MICU1: variants seen among roughly 807,000 people sequenced by gnomAD.
MICU1 encodes mitochondrial calcium uptake 1, also known as calcium uptake protein 1, mitochondrial.
A neutral mutation model predicts 56.8 loss-of-function variants in MICU1; 45 were observed. That is an observed-to-expected ratio of 0.79 (90% CI 0.62 to 1.02). The LOEUF (loss-of-function observed/expected upper bound fraction) is 1.02, where lower values mean the gene tolerates loss of function less well. MICU1 is among the 50% of genes least tolerant of loss of function. MICU1 has a pLI of 0.00. For synonymous variants in MICU1, 186 were observed against 195.1 expected, an observed-to-expected ratio of 0.95 and a Z score of 0.39; for missense variants, 504 against 587.1, an observed-to-expected ratio of 0.86 and a Z score of 1.46.
chr10:72,485,499 C>G (rs1866440056), intron 6 of MICU1, among the ~76,000 whole-genome samples: 1 of 151,190 alleles, frequency 6.6e-6, no homozygotes, highest in African/African-American at 2.4e-5. Context: ...ATATATAACC[C>G]TTAATCCTCC....
intron 8 of MICU1, among the ~76,000 whole-genome samples, chr10:72,429,061 G>A (rs533797716): frequency 2.6e-5 from 4 of 152,260 alleles, no homozygotes; most frequent in African/African-American, 9.6e-5. Flanking sequence ...TCAAAGTGTT[G>A]TTGTAAAGAT....
intron 8 of MICU1, among the ~76,000 whole-genome samples, chr10:72,473,979 G>A (rs772703032): frequency 2.0e-5 from 3 of 151,918 alleles, no homozygotes; most frequent in Non-Finnish European, 4.4e-5. Context: ...AAGAGAGGCC[G>A]GGTGCGGTGG....
intron 1 of MICU1, among the ~76,000 whole-genome samples, chr10:72,590,095 C>T: frequency 6.6e-6 from 1 of 151,964 alleles, no homozygotes; most frequent in East Asian, 1.9e-4. Context: ...GCTCTCCAAT[C>T]AAAAGACATA....
chr10:72,368,284 G>C lies in MICU1; in HGVS notation c.1342C>G (p.Pro448Ala). ...AGGCGAGTGAAACCCATGTCTTTGG[G>C]CTTTTCCAGGCCTCTCATCAGCCGT... Reference protein sequence around the residue: ...KQRLMRGLEKPKDMGFTRLMQ... With the variant: ...KQRLMRGLEKAKDMGFTRLMQ... Residue 448 changes from proline to alanine, a missense_variant, in exon 12 of 12, where the codon CCC becomes GCC. Physicochemically the swap from Pro to Ala is conservative, Grantham distance 27. Coordinates refer to ENST00000361114, the MANE Select transcript of MICU1 (RefSeq NM_001195518.2). 1.2e-6 allele frequency: 2 copies of C among 1,613,980 alleles called. No individual in the cohort carries two copies. The highest frequency in any genetic ancestry group is 2.7e-5 in the African/African-American group (2 of 75,022).
intron 8 of MICU1, among the ~76,000 whole-genome samples, chr10:72,465,308 T>TG (rs773323709): frequency 8.4e-6 from 1 of 119,670 alleles, no homozygotes; most frequent in Non-Finnish European, 2.0e-5. Context: ...CATAGTTTTT[T>TG]GTTTTTTTTT....
At chr10:72,568,214 TA>T (rs369810841) in intron 1 of MICU1, among the ~76,000 whole-genome samples, 4 of 151,726 alleles carry the variant, frequency 2.6e-5, no homozygotes, top group African/African-American at 4.8e-5. Flanking sequence ...AAACTTCACT[TA>T]AAAAAAAATT....
intron 5 of MICU1, among the ~76,000 whole-genome samples, chr10:72,510,293 T>C (rs549034574): frequency 6.6e-6 from 1 of 152,164 alleles, no homozygotes; most frequent in East Asian, 1.9e-4. Flanking sequence ...CACAGAAAAG[T>C]TGAAAGATTA....
chr10:72,548,240 A>G (rs1839944537), intron 4 of MICU1, among the ~76,000 whole-genome samples: 1 of 152,212 alleles, frequency 6.6e-6, no homozygotes, highest in Non-Finnish European at 1.5e-5. Flanking sequence ...AATGTGAGAC[A>G]AGGCATAAAA....
intron 1 of MICU1, among the ~76,000 whole-genome samples, chr10:72,624,234 G>C (rs934715125): frequency 6.6e-6 from 1 of 152,192 alleles, no homozygotes; most frequent in East Asian, 1.9e-4. Flanking sequence ...TCGCTCTGTC[G>C]CCCAAGCTGG....
chr10:72,435,604 A>G (rs1864686094), intron 8 of MICU1, among the ~76,000 whole-genome samples: 1 of 152,104 alleles, frequency 6.6e-6, no homozygotes, highest in African/African-American at 2.4e-5. Context: ...TCACCTGGGA[A>G]GTGCAAGGGG....
At position 72,562,834 on chromosome 10, in the gene MICU1, G is replaced by A. The variant is rs541698562; in HGVS notation, c.330+61C>T. On this transcript the variant is annotated intron_variant, in intron 3 of 11. Coordinates refer to ENST00000361114, the MANE Select transcript of MICU1 (RefSeq NM_001195518.2). ...TCTGAAACATATGATTAAAAAGATT[G>A]AACTGCATTATTCTACTTTAAGATA... The A allele has an allele frequency of 1.1e-3, 1,435 of 1,301,204 alleles. 3 individuals are homozygous for A. The highest frequency in any genetic ancestry group is 1.4e-3 in the Non-Finnish European group (1,391 of 982,414). 80.6% of individuals were successfully genotyped at this position (1,301,204 alleles called of 1,614,324 possible).
At chr10:72,522,031 A>G (rs1867838403) in intron 5 of MICU1, among the ~76,000 whole-genome samples, 1 of 152,134 alleles carries the variant, frequency 6.6e-6, no homozygotes, top group Admixed American at 6.5e-5. Flanking sequence ...ATTTTAAAAA[A>G]TACATCATGC....
At chr10:72,584,728 G>A (rs989076902) in intron 1 of MICU1, among the ~76,000 whole-genome samples, 2 of 152,016 alleles carry the variant, frequency 1.3e-5, no homozygotes, top group Non-Finnish European at 2.9e-5. Context: ...TTTTTGAAGC[G>A]CTGGGGTTTC....
At chr10:72,565,770 T>C (rs867867474) in intron 2 of MICU1, among the ~76,000 whole-genome samples, 10 of 152,020 alleles carry the variant, frequency 6.6e-5, no homozygotes, top group Non-Finnish European at 1.5e-4. Context: ...GCTGAGATCA[T>C]GCCACTACAC....
intron 1 of MICU1, among the ~76,000 whole-genome samples, chr10:72,605,718 T>C (rs991869670): frequency 6.6e-6 from 1 of 152,248 alleles, no homozygotes; most frequent in Non-Finnish European, 1.5e-5. Context: ...GCATAGGTTA[T>C]ACGCAAATAG....
chr10:72,609,729 G>A (rs1375637379), intron 1 of MICU1, among the ~76,000 whole-genome samples: 14 of 139,990 alleles, frequency 1.0e-4, no homozygotes, highest in African/African-American at 8.1e-5. Flanking sequence ...GCCAGACCCC[G>A]TCTCAAAAAA....
intron 2 of MICU1, among the ~76,000 whole-genome samples, chr10:72,563,880 A>C (rs1413690639): frequency 6.6e-6 from 1 of 152,148 alleles, no homozygotes; most frequent in African/African-American, 2.4e-5. Flanking sequence ...TGTAACTGAA[A>C]GGGTGGAATA....
intron 1 of MICU1, among the ~76,000 whole-genome samples, chr10:72,591,708 G>C (rs1448335583): frequency 6.6e-6 from 1 of 152,078 alleles, no homozygotes; most frequent in African/African-American, 2.4e-5. Context: ...CTAATTAGTA[G>C]ATTAAATCAG....
intron 8 of MICU1, among the ~76,000 whole-genome samples, chr10:72,439,211 T>C (rs1229436329): frequency 3.3e-5 from 5 of 152,182 alleles, no homozygotes; most frequent in Non-Finnish European, 5.9e-5. Context: ...CACGATCAAG[T>C]TGGCTTCATC....
Sources: gnomAD v4.1 joint callset for allele counts (sites outside exome capture counted in the v4.1 genomes callset) on GRCh38, gnomAD v4.1.1 for gene constraint, MANE v1.5 for transcripts, NCBI Gene and HGNC (gene_info 2026-07-23, HGNC 2026-07-21) for gene names.